The following ARHGAP24 variants were observed in gnomAD, a reference collection of about 807,000 sequenced individuals.
ARHGAP24 encodes the protein rho GTPase-activating protein 24.
In ARHGAP24, 50 loss-of-function variants were observed where a neutral mutation model predicts 76.4. That is an observed-to-expected ratio of 0.65 (90% CI 0.52 to 0.83). ARHGAP24 has a LOEUF of 0.83. Among genes scored for constraint, ARHGAP24 ranks in the 40% least tolerant of loss-of-function variants. The probability of loss-of-function intolerance (pLI) is 0.00; values close to 1 mark genes in which losing one functional copy is unlikely to be tolerated. For synonymous variants in ARHGAP24, 345 were observed against 323.3 expected, an observed-to-expected ratio of 1.07 and a Z score of -0.72; for missense variants, 930 against 914.2, an observed-to-expected ratio of 1.02 and a Z score of -0.22.
chr4:85,756,258 G>T (rs138218235), intron 3 of ARHGAP24, among the ~76,000 whole-genome samples: 457 of 152,216 alleles, frequency 3.0e-3, no homozygotes, highest in African/African-American at 0.01. Context: ...CAAAATAATT[G>T]CAATTATGTA....
chr4:85,951,415 T>C (rs1737610548), intron 5 of ARHGAP24, among the ~76,000 whole-genome samples: 1 of 152,138 alleles, frequency 6.6e-6, no homozygotes. Context: ...CTTTAGTCAT[T>C]GGGATGTGGA....
intron 5 of ARHGAP24, among the ~76,000 whole-genome samples, chr4:85,968,754 T>A (rs1028103594): frequency 2.0e-5 from 3 of 152,012 alleles, no homozygotes; most frequent in Admixed American, 2.0e-4. Flanking sequence ...AAAGCAAAAA[T>A]GAAAACTCTA....
At chr4:85,495,094 CAAAAA>C (rs77619824) in intron 1 of ARHGAP24, among the ~76,000 whole-genome samples, 2 of 70,634 alleles carry the variant, frequency 2.8e-5, no homozygotes. Flanking sequence ...GACTCCGTCT[CAAAAA>C]AAAAAAAAAA....
intron 2 of ARHGAP24, among the ~76,000 whole-genome samples, chr4:85,702,584 A>C (rs1724137088): frequency 6.6e-6 from 1 of 152,182 alleles, no homozygotes; most frequent in Non-Finnish European, 1.5e-5. Context: ...CACAATAAAA[A>C]ATTAGTCCCT....
chr4:85,699,891 T>A (rs1024755373), intron 2 of ARHGAP24, among the ~76,000 whole-genome samples: 1 of 152,178 alleles, frequency 6.6e-6, no homozygotes, highest in Non-Finnish European at 1.5e-5. Flanking sequence ...ATAGTAGGCA[T>A]TTAATATATA....
rs1724860629 is a variant in ARHGAP24, at chr4:85,523,349, C to T, written c.-20-47173C>T. 2.0e-5 allele frequency among the ~76,000 whole-genome samples: 3 copies of T among 152,138 alleles called. No homozygotes were observed. In the South Asian group the frequency reaches 6.2e-4, roughly 32 times the overall value. On this transcript the variant is annotated intron_variant, in intron 1 of 9. Transcript: ENST00000395184. ...ATTTCCTATTTTAAAGAGTAACTTG[C>T]AGTTATAGCTTGCAAACATCTATGA...
intron 3 of ARHGAP24, among the ~76,000 whole-genome samples, chr4:85,815,633 C>CT (rs1418587245): frequency 2.0e-5 from 3 of 152,210 alleles, no homozygotes; most frequent in African/African-American, 7.2e-5. Context: ...AGACTTTTGG[C>CT]TAAAGCCATT....
rs116856175 is a variant in ARHGAP24 at position 85,936,336 on chromosome 4, G to A, written c.392-5730G>A. Among the ~76,000 whole-genome samples the A allele has an allele frequency of 2.8e-3, 422 of 152,210 alleles. 17 individuals carry two copies. The East Asian group carries it at 0.075, about 27-fold the overall frequency. ...GGTAAAGTGTTTTATTTCCATGCAT[G>A]CATTTATTCCATAAATGTTTATGGA... On this transcript the variant is annotated intron_variant, in intron 4 of 9. Transcript: ENST00000395184.
In ARHGAP24 at chr4:85,703,744, G is replaced by T. The variant is rs533533382; in HGVS notation, c.181-18141G>T. ...CTTTTTATAAGTCATTCAGTCTGTG[G>T]TAGGCTGTTATAGCAGCCCAAACAG... is the stretch of plus-strand genomic sequence containing the variant. On this transcript the variant is annotated intron_variant, in intron 2 of 9. Transcript: ENST00000395184. Among the ~76,000 whole-genome samples, 31 of 152,082 alleles carry T rather than the reference G, an allele frequency of 2.0e-4. 1 individual carries two copies. Among genetic ancestry groups the T allele is most frequent in the Admixed American group, 1.6e-3 (25 of 15,254 alleles).
At chr4:85,703,612 A>G (rs879555576) in intron 2 of ARHGAP24, among the ~76,000 whole-genome samples, 2 of 152,160 alleles carry the variant, frequency 1.3e-5, no homozygotes, top group Non-Finnish European at 2.9e-5. Flanking sequence ...GTGAGGTTAC[A>G]GCAAAAACAC....
intron 5 of ARHGAP24, among the ~76,000 whole-genome samples, chr4:85,953,841 T>C (rs1737759015): frequency 6.6e-6 from 1 of 151,816 alleles, no homozygotes; most frequent in Non-Finnish European, 1.5e-5. Flanking sequence ...GAGGGGAGAA[T>C]GAGATCTGGA....
chr4:85,599,804 T>A (rs1348850387), intron 2 of ARHGAP24, among the ~76,000 whole-genome samples: 3 of 152,160 alleles, frequency 2.0e-5, no homozygotes, highest in Non-Finnish European at 4.4e-5. Flanking sequence ...AAATTATAGA[T>A]GTTTTGCATA....
At chr4:85,890,129 T>C (rs749865777) in intron 3 of ARHGAP24, among the ~76,000 whole-genome samples, 6 of 152,206 alleles carry the variant, frequency 3.9e-5, no homozygotes, top group Non-Finnish European at 7.4e-5. Context: ...GAAAGGTCTG[T>C]TGAGGACAAT....
intron 2 of ARHGAP24, among the ~76,000 whole-genome samples, chr4:85,718,959 A>G (rs1290652719): frequency 3.3e-5 from 5 of 152,190 alleles, no homozygotes; most frequent in African/African-American, 1.2e-4. Context: ...GTACAATTCA[A>G]GATCTTAAGT....
intron 6 of ARHGAP24, 104 bp from the exon 7 acceptor site, chr4:85,974,784 C>G (rs1318717632): frequency 1.0e-6 from 1 of 976,294 alleles, no homozygotes; most frequent in African/African-American, 1.6e-5. Flanking sequence ...TCACTGATAA[C>G]ATGTGAAACT....
At chr4:85,812,356 A>T (rs1382521186) in intron 3 of ARHGAP24, among the ~76,000 whole-genome samples, 2 of 152,156 alleles carry the variant, frequency 1.3e-5, no homozygotes, top group African/African-American at 4.8e-5. Flanking sequence ...GATTTCAAAC[A>T]TAGGTTTATG....
intron 3 of ARHGAP24, among the ~76,000 whole-genome samples, chr4:85,735,512 G>C (rs1478286534): frequency 1.3e-5 from 2 of 152,022 alleles, no homozygotes; most frequent in African/African-American, 2.4e-5. Flanking sequence ...TGACCCAGTT[G>C]ATTACTCCTT....
chr4:85,800,165 T>C (rs1035256097), intron 3 of ARHGAP24, among the ~76,000 whole-genome samples: 3 of 152,208 alleles, frequency 2.0e-5, no homozygotes, highest in Admixed American at 6.5e-5. Flanking sequence ...ATGTGAGATA[T>C]TAACACAAGA....
intron 1 of ARHGAP24, among the ~76,000 whole-genome samples, chr4:85,492,784 G>A (rs912215356): frequency 6.6e-6 from 1 of 152,018 alleles, no homozygotes; most frequent in Non-Finnish European, 1.5e-5. Flanking sequence ...CTAAATGTTA[G>A]CATTTTAGAG....
Sources: allele counts gnomAD v4.1 joint callset (sites outside exome capture counted in the v4.1 genomes callset), GRCh38; gene constraint gnomAD v4.1.1; transcripts MANE v1.5; gene names NCBI Gene and HGNC (gene_info 2026-07-23, HGNC 2026-07-21).